PIK3CB: variants seen among roughly 807,000 people sequenced by gnomAD.
The protein encoded by PIK3CB is phosphatidylinositol-4,5-bisphosphate 3-kinase catalytic subunit beta.
In PIK3CB, 39 loss-of-function variants were observed where a neutral mutation model predicts 136.8. The ratio of observed to expected loss-of-function variants is 0.29; its 90% CI spans 0.22 to 0.37. The LOEUF (loss-of-function observed/expected upper bound fraction) is 0.37. PIK3CB is among the 10% of genes least tolerant of loss of function. The pLI, the probability that PIK3CB is intolerant of heterozygous loss-of-function variation, is 1.00. For synonymous variants in PIK3CB, 428 were observed against 436.6 expected (o/e 0.98, Z 0.25); for missense variants, 868 against 1,275.4 (o/e 0.68, Z 4.87).
At chr3:138,684,603 T>G (rs1171583037) in intron 17 of PIK3CB, 22 bp downstream of exon 17, 15 of 1,556,318 alleles carry the variant, frequency 9.6e-6, no homozygotes, top group Non-Finnish European at 1.3e-5. Flanking sequence ...GGAGATTCAC[T>G]GCGCAAAGCA....
At chr3:138,772,783 CTTTTTT>C (rs776881626) in intron 2 of PIK3CB, among the ~76,000 whole-genome samples, 8 of 112,216 alleles carry the variant, frequency 7.1e-5, no homozygotes, top group African/African-American at 1.4e-4. Context: ...TATTTATTCT[CTTTTTT>C]TTTTTTTTTT....
intron 8 of PIK3CB, among the ~76,000 whole-genome samples, chr3:138,727,986 T>G (rs1232243727): frequency 6.6e-6 from 1 of 152,094 alleles, no homozygotes; most frequent in Non-Finnish European, 1.5e-5. Flanking sequence ...CTCGATCTCC[T>G]GACCTCGAGA....
At position 138,657,266 on chromosome 3, in the gene PIK3CB, G is replaced by A. The variant is rs572008534; in HGVS notation, c.2942+424C>T. 5.1e-5 allele frequency: 8 copies of A among 156,886 alleles called. No individual in the cohort carries two copies. The South Asian group carries it at 1.5e-3, about 30-fold the overall frequency. The allele number at this position is 156,886 out of a possible 1,614,324, so 9.7% of individuals were successfully genotyped here. ...TGTCCCCATTTTAAGATGATACAAAGGCAAAAAGACAAGTATTATGCTTGG... is the reference window on the plus strand; with the variant it reads ...TGTCCCCATTTTAAGATGATACAAAAGCAAAAAGACAAGTATTATGCTTGG... On this transcript the variant is annotated intron_variant, in intron 22 of 23. Transcript: ENST00000674063.
intron 2 of PIK3CB, among the ~76,000 whole-genome samples, chr3:138,782,980 A>AG (rs1346756100): frequency 6.6e-6 from 1 of 152,206 alleles, no homozygotes; most frequent in Non-Finnish European, 1.5e-5. Flanking sequence ...TCAGTCCAAT[A>AG]TCACTGTTTT....
At chr3:138,671,971 T>C (rs1407410680) in intron 19 of PIK3CB, among the ~76,000 whole-genome samples, 3 of 152,010 alleles carry the variant, frequency 2.0e-5, no homozygotes, top group African/African-American at 7.3e-5. Flanking sequence ...AGAAAGTTAG[T>C]CCTCTTTCTA....
rs576395323 is a variant in PIK3CB at position 138,728,118 on chromosome 3, T to G, written c.1050+5243A>C. On this transcript the variant is annotated intron_variant, in intron 8 of 23. Transcript: ENST00000674063. ...TGAGCCACGACTCCTGGCTATAAAT[T>G]AAGTTTCTAATTAAAAACCTTCCCA... Among the ~76,000 whole-genome samples the G allele has an allele frequency of 2.6e-5, 4 of 152,300 alleles. No homozygotes were observed. The South Asian group carries it at 8.3e-4, about 32-fold the overall frequency.
intron 12 of PIK3CB, among the ~76,000 whole-genome samples, chr3:138,703,317 C>T (rs2044292297): frequency 6.6e-6 from 1 of 152,154 alleles, no homozygotes; most frequent in Non-Finnish European, 1.5e-5. Flanking sequence ...AGACATTTCA[C>T]CAACTGGCCA....
At chr3:138,681,181 G>T (rs1253347785) in intron 19 of PIK3CB, among the ~76,000 whole-genome samples, 1 of 151,488 alleles carries the variant, frequency 6.6e-6, no homozygotes, top group Admixed American at 6.6e-5. Context: ...AGAGTAGCTG[G>T]GAGTACGGGC....
chr3:138,707,508 C>T, intron 10 of PIK3CB: 1 of 1,308,520 alleles, frequency 7.6e-7, no homozygotes, highest in Non-Finnish European at 9.7e-7. Flanking sequence ...AGAAAGTTAA[C>T]AAAACTGAAT....
At chr3:138,751,616 AT>A (rs896767634) in intron 4 of PIK3CB, among the ~76,000 whole-genome samples, 2 of 152,092 alleles carry the variant, frequency 1.3e-5, no homozygotes, top group Admixed American at 6.6e-5. Context: ...GTCAAATATA[AT>A]TTTTATATTT....
intron 13 of PIK3CB, 45 bp downstream of exon 13, chr3:138,698,862 A>C: frequency 8.2e-7 from 1 of 1,224,274 alleles, no homozygotes; most frequent in Non-Finnish European, 1.2e-6. Context: ...AATCCAACCA[A>C]GTACCATACA....
chr3:138,765,856 G>A (rs573748247), intron 2 of PIK3CB, among the ~76,000 whole-genome samples: 2 of 152,080 alleles, frequency 1.3e-5, no homozygotes, highest in Non-Finnish European at 2.9e-5. Context: ...GGAAGGAAGA[G>A]TGAGACGAAG....
In PIK3CB at chr3:138,684,624, C is replaced by A; in HGVS notation, c.2315+1G>T. On this transcript the variant is annotated splice_donor_variant, in intron 17 of 23. Transcript: ENST00000674063. LOFTEE classifies it high-confidence loss of function. ...TCACTGCGCAAAGCACAGTCACTTA[C>A]TAGAGTTCTGAGAGGATAACACATG... 6.3e-7 allele frequency: 1 copy of A among 1,594,150 alleles called. No individual in the cohort carries two copies. The highest frequency in any genetic ancestry group is 8.5e-7 in the Non-Finnish European group (1 of 1,171,332).
intron 8 of PIK3CB, among the ~76,000 whole-genome samples, chr3:138,715,274 G>T (rs879767278): frequency 1.3e-5 from 2 of 152,148 alleles, no homozygotes; most frequent in African/African-American, 2.4e-5. Flanking sequence ...TTTCCCTAAA[G>T]GCCTGGGGCC....
intron 10 of PIK3CB, among the ~76,000 whole-genome samples, chr3:138,708,253 TTTTC>T (rs971546558): frequency 2.1e-5 from 3 of 139,846 alleles, no homozygotes; most frequent in Non-Finnish European, 3.0e-5. Flanking sequence ...GGACTCAATT[TTTTC>T]TTTTTCTTTT....
chr3:138,771,008 C>T (rs1248376670), intron 2 of PIK3CB, among the ~76,000 whole-genome samples: 3 of 152,040 alleles, frequency 2.0e-5, no homozygotes, highest in Admixed American at 2.0e-4. Flanking sequence ...CTGCACCTGG[C>T]CACATTACTT....
At chr3:138,822,281 C>T (rs556314700) in intron 1 of PIK3CB, among the ~76,000 whole-genome samples, 14 of 152,228 alleles carry the variant, frequency 9.2e-5, no homozygotes, top group Non-Finnish European at 1.5e-4. Flanking sequence ...CGCCTATAAT[C>T]CCAGCACTTT....
At chr3:138,761,731 T>C (rs755710342) in intron 2 of PIK3CB, among the ~76,000 whole-genome samples, 45 of 152,034 alleles carry the variant, frequency 3.0e-4, no homozygotes, top group Non-Finnish European at 4.3e-4. Context: ...GACAGCACCA[T>C]TGCACTCCAG....
chr3:138,777,577 C>T (rs2045873996), intron 2 of PIK3CB, among the ~76,000 whole-genome samples: 1 of 152,278 alleles, frequency 6.6e-6, no homozygotes, highest in East Asian at 1.9e-4. Context: ...GACAACCTGA[C>T]TCTGGTGTGC....
Sources: allele counts gnomAD v4.1 joint callset (sites outside exome capture counted in the v4.1 genomes callset), GRCh38; gene constraint gnomAD v4.1.1; transcripts MANE v1.5; gene names NCBI Gene and HGNC (gene_info 2026-07-23, HGNC 2026-07-21).